The following NALF1 variants were observed in gnomAD, a reference collection of about 807,000 sequenced individuals.
The protein encoded by NALF1 is NALCN channel auxiliary factor 1.
A neutral mutation model predicts 48.4 loss-of-function variants in NALF1; 3 were observed. The ratio of observed to expected loss-of-function variants is 0.06; its 90% CI spans 0.03 to 0.16. The LOEUF (loss-of-function observed/expected upper bound fraction) is 0.16. Ranked by LOEUF, NALF1 falls within the 10% of genes least tolerant of loss-of-function variation. The pLI is 1.00. For missense variants in NALF1, 526 were observed against 571.5 expected, an observed-to-expected ratio of 0.92 and a Z score of 0.81; for synonymous variants, 262 against 245.7, an observed-to-expected ratio of 1.07 and a Z score of -0.62.
intron 1 of NALF1, among the ~76,000 whole-genome samples, chr13:107,416,661 G>A (rs534573369): frequency 6.6e-6 from 1 of 152,212 alleles, no homozygotes; most frequent in East Asian, 1.9e-4. Context: ...ACAGCTTTTG[G>A]TCAACAGTAG....
At chr13:107,551,788 T>C (rs1342489938) in intron 1 of NALF1, among the ~76,000 whole-genome samples, 2 of 152,172 alleles carry the variant, frequency 1.3e-5, no homozygotes, top group East Asian at 1.9e-4. Flanking sequence ...TCTTCTGTTC[T>C]ACTTATTTCT....
chr13:107,329,830 G>T (rs1329485852), intron 1 of NALF1, among the ~76,000 whole-genome samples: 1 of 152,122 alleles, frequency 6.6e-6, no homozygotes, highest in Non-Finnish European at 1.5e-5. Context: ...CAAAAGACAT[G>T]AACTCATCAT....
At chr13:107,397,554 T>C (rs1014179433) in intron 1 of NALF1, among the ~76,000 whole-genome samples, 3 of 152,166 alleles carry the variant, frequency 2.0e-5, no homozygotes, top group Admixed American at 6.5e-5. Flanking sequence ...TCTAATCTTA[T>C]TGTGTCTACT....
In NALF1 at chr13:107,477,693, T is replaced by G. The variant is rs1037184731; in HGVS notation, c.916-266938A>C. Among the ~76,000 whole-genome samples, 56 of 152,078 alleles carry G rather than the reference T, an allele frequency of 3.7e-4. 1 individual carries two copies. The highest frequency in any genetic ancestry group is 1.3e-3 in the African/African-American group (54 of 41,426). ...CAAGTTTCTTGATTCCAGGACTCTT[T>G]TTTTTAAAATAATTTTTAAGAGCAT... On this transcript the variant is annotated intron_variant, in intron 1 of 2. Transcript: ENST00000375915.
At chr13:107,505,880 T>C (rs149118888) in intron 1 of NALF1, among the ~76,000 whole-genome samples, 1 of 152,168 alleles carries the variant, frequency 6.6e-6, no homozygotes, top group East Asian at 1.9e-4. Context: ...GTTTTCCCAC[T>C]ATATTAAAAA....
chr13:107,716,352 C>G (rs1875818407), intron 1 of NALF1, among the ~76,000 whole-genome samples: 1 of 152,108 alleles, frequency 6.6e-6, no homozygotes, highest in Non-Finnish European at 1.5e-5. Context: ...GTTTTGTTTC[C>G]CGGTGCCATA....
At chr13:107,863,725 A>G (rs972306289) in intron 1 of NALF1, among the ~76,000 whole-genome samples, 2 of 152,222 alleles carry the variant, frequency 1.3e-5, no homozygotes, top group East Asian at 1.9e-4. Context: ...GTTAACTTAC[A>G]CTATACTTTA....
chr13:107,405,964 G>A (rs1883891133), intron 1 of NALF1, among the ~76,000 whole-genome samples: 1 of 151,994 alleles, frequency 6.6e-6, no homozygotes, highest in South Asian at 2.1e-4. Flanking sequence ...TATAAAATGT[G>A]TACACCTCTC....
intron 1 of NALF1, among the ~76,000 whole-genome samples, chr13:107,455,924 T>C (rs1263349514): frequency 6.6e-6 from 1 of 152,124 alleles, no homozygotes; most frequent in Non-Finnish European, 1.5e-5. Flanking sequence ...GTTTACCCAT[T>C]GAAAGGTATT....
intron 1 of NALF1, among the ~76,000 whole-genome samples, chr13:107,310,593 C>A (rs2062613665): frequency 1.3e-5 from 2 of 152,006 alleles, no homozygotes; most frequent in African/African-American, 4.8e-5. Flanking sequence ...AGAAGAGGAA[C>A]AACAAAATCC....
chr13:107,484,484 G>A (rs1183570321), intron 1 of NALF1, among the ~76,000 whole-genome samples: 1 of 152,070 alleles, frequency 6.6e-6, no homozygotes, highest in Non-Finnish European at 1.5e-5. Context: ...AAGTGAGAGG[G>A]ACTTTCTTCT....
chr13:107,556,296 T>TATACAC (rs1181358439), intron 1 of NALF1, among the ~76,000 whole-genome samples: 7 of 98,578 alleles, frequency 7.1e-5, no homozygotes, highest in African/African-American at 2.3e-4. Flanking sequence ...TATATATATA[T>TATACAC]ACACACACAC....
intron 1 of NALF1, among the ~76,000 whole-genome samples, chr13:107,222,001 C>T (rs16969877): frequency 0.011 from 1,684 of 152,240 alleles, 32 homozygotes; most frequent in African/African-American, 0.039. Context: ...GAAGGCACTT[C>T]GGCAACTGTT....
intron 2 of NALF1, among the ~76,000 whole-genome samples, chr13:107,174,850 C>A (rs943085306): frequency 6.6e-6 from 1 of 151,762 alleles, no homozygotes; most frequent in South Asian, 2.1e-4. Flanking sequence ...CTGAACTCCT[C>A]CTACTGTTGC....
intron 1 of NALF1, among the ~76,000 whole-genome samples, chr13:107,384,506 T>C (rs536538478): frequency 6.6e-6 from 1 of 152,190 alleles, no homozygotes. Flanking sequence ...TGGTTTTTTT[T>C]ATTTTTTTGC....
At chr13:107,700,289 C>T (rs1473645857) in intron 1 of NALF1, among the ~76,000 whole-genome samples, 4 of 151,952 alleles carry the variant, frequency 2.6e-5, no homozygotes, top group African/African-American at 7.2e-5. Flanking sequence ...CAGTATGGTA[C>T]TGTCATAAAA....
intron 1 of NALF1, among the ~76,000 whole-genome samples, chr13:107,387,247 G>A (rs112805083): frequency 9.2e-5 from 14 of 151,582 alleles, no homozygotes; most frequent in Admixed American, 4.6e-4. Flanking sequence ...GAGATGTTTC[G>A]CAAATCTATA....
At chr13:107,388,897 G>A (rs141846049) in intron 1 of NALF1, among the ~76,000 whole-genome samples, 2,040 of 152,198 alleles carry the variant, frequency 0.013, 24 homozygotes, top group South Asian at 0.033. Context: ...AGGATATACT[G>A]ATAATACATT....
At chr13:107,550,641 G>C (rs1877267179) in intron 1 of NALF1, among the ~76,000 whole-genome samples, 2 of 152,014 alleles carry the variant, frequency 1.3e-5, no homozygotes, top group African/African-American at 4.8e-5. Flanking sequence ...AGGGGTTTCT[G>C]AATTTTCAGT....
Sources: allele counts gnomAD v4.1 joint callset (sites outside exome capture counted in the v4.1 genomes callset), GRCh38; gene constraint gnomAD v4.1.1; transcripts MANE v1.5; gene names NCBI Gene and HGNC (gene_info 2026-07-23, HGNC 2026-07-21).